Variants in STXBP5L observed in about 807,000 individuals in gnomAD.
STXBP5L encodes the protein syntaxin-binding protein 5-like.
STXBP5L carries 65 observed loss-of-function variants against 144.5 expected under a neutral mutation model. That is an observed-to-expected ratio of 0.45 (90% CI 0.37 to 0.55). The LOEUF (loss-of-function observed/expected upper bound fraction) is 0.55, where lower values mean the gene tolerates loss of function less well. Ranked by LOEUF, STXBP5L falls within the 20% of genes least tolerant of loss-of-function variation. STXBP5L has a pLI of 0.00. For synonymous variants in STXBP5L, 505 were observed against 469.6 expected (o/e 1.08, Z -0.97); for missense variants, 1,298 against 1,405.5 (o/e 0.92, Z 1.22).
intron 3 of STXBP5L, among the ~76,000 whole-genome samples, chr3:121,024,882 A>G (rs540134108): frequency 6.6e-6 from 1 of 152,314 alleles, no homozygotes; most frequent in East Asian, 1.9e-4. Flanking sequence ...TTAGAATTCT[A>G]CTTCTATCAT....
chr3:121,208,121 G>T (rs1466549768), intron 10 of STXBP5L, among the ~76,000 whole-genome samples: 1 of 152,068 alleles, frequency 6.6e-6, no homozygotes, highest in Non-Finnish European at 1.5e-5. Flanking sequence ...AAGAAAATGT[G>T]GCACATATAC....
At chr3:121,171,963 T>G (rs534002089) in intron 9 of STXBP5L, among the ~76,000 whole-genome samples, 1 of 152,284 alleles carries the variant, frequency 6.6e-6, no homozygotes, top group South Asian at 2.1e-4. Context: ...ACTACAAGGC[T>G]ACAGTAACCC....
intron 14 of STXBP5L, among the ~76,000 whole-genome samples, chr3:121,246,810 G>A (rs576214571): frequency 6.6e-6 from 1 of 152,242 alleles, no homozygotes; most frequent in East Asian, 1.9e-4. Flanking sequence ...ATTACGCTAA[G>A]TGCATAATGC....
At chr3:121,239,188 T>C in intron 13 of STXBP5L, 70 bp downstream of exon 13, 1 of 923,088 alleles carries the variant, frequency 1.1e-6, no homozygotes, top group South Asian at 2.3e-5. Flanking sequence ...TCCATTACTT[T>C]ATTTTCTTAC....
chr3:121,106,501 T>A (rs2043716960), intron 5 of STXBP5L, among the ~76,000 whole-genome samples: 1 of 152,148 alleles, frequency 6.6e-6, no homozygotes, highest in African/African-American at 2.4e-5. Context: ...CGGTGTTTGG[T>A]TTTCTGTTCC....
rs566455250 is a variant in STXBP5L, at chr3:121,202,155, C to T, written c.878-3768C>T. On this transcript the variant is annotated intron_variant, in intron 9 of 26. Transcript: ENST00000471454. The stretch of plus-strand genomic sequence containing the variant: ...TATTTAAATTAAATTATTATTAAAT[C>T]TTATATAATTGTATGTCTTTTAAGA... Among the ~76,000 whole-genome samples the T allele has an allele frequency of 9.2e-5, 14 of 152,076 alleles. No individual in the cohort carries two copies. In the East Asian group the frequency reaches 2.5e-3, roughly 27 times the overall value.
At chr3:120,967,537 C>T (rs757206312) in intron 3 of STXBP5L, among the ~76,000 whole-genome samples, 1 of 152,068 alleles carries the variant, frequency 6.6e-6, no homozygotes, top group Admixed American at 6.5e-5. Context: ...TTTTCAATTT[C>T]GTTTATTTTT....
chr3:121,368,665 T>A (rs2045936894), intron 20 of STXBP5L, among the ~76,000 whole-genome samples: 2 of 152,148 alleles, frequency 1.3e-5, no homozygotes, highest in Admixed American at 1.3e-4. Flanking sequence ...TTTTATTTAT[T>A]AATTTGCTTT....
At chr3:121,250,629 T>C (rs1577304569) in intron 14 of STXBP5L, 94 bp from the exon 15 acceptor site, 1 of 1,028,200 alleles carries the variant, frequency 9.7e-7, no homozygotes, top group South Asian at 1.5e-5. Context: ...TGAATCAAAA[T>C]TGTATCAACA....
At chr3:121,162,586 A>G (rs139191529) in intron 9 of STXBP5L, among the ~76,000 whole-genome samples, 5,412 of 152,330 alleles carry the variant, frequency 0.036, 147 homozygotes, top group Middle Eastern at 0.082. Context: ...TAATTAAACT[A>G]AAGAGCTTCT....
intron 20 of STXBP5L, among the ~76,000 whole-genome samples, chr3:121,342,826 T>C (rs1576225708): frequency 6.1e-5 from 9 of 147,738 alleles, no homozygotes; most frequent in Non-Finnish European, 6.0e-5. Context: ...TGTGTCTTTA[T>C]AGCAGCATGA....
At chr3:120,992,957 G>A (rs1001198969) in intron 3 of STXBP5L, among the ~76,000 whole-genome samples, 6 of 152,038 alleles carry the variant, frequency 3.9e-5, no homozygotes, top group Non-Finnish European at 7.4e-5. Flanking sequence ...ATCCTTGCCA[G>A]TATCTGCTAT....
chr3:121,359,543 G>T (rs2045639065), intron 20 of STXBP5L, among the ~76,000 whole-genome samples: 16 of 152,000 alleles, frequency 1.1e-4, no homozygotes, highest in Admixed American at 1.0e-3. Flanking sequence ...ATGTCCTAGA[G>T]ATATACCCCA....
intron 5 of STXBP5L, among the ~76,000 whole-genome samples, chr3:121,064,220 G>C (rs967235504): frequency 2.2e-4 from 33 of 152,162 alleles, no homozygotes; most frequent in African/African-American, 8.0e-4. Context: ...CCTTGGCTAA[G>C]GTAGGGAGTT....
intron 7 of STXBP5L, among the ~76,000 whole-genome samples, chr3:121,132,291 T>C (rs2045027757): frequency 1.3e-5 from 2 of 152,152 alleles, no homozygotes; most frequent in South Asian, 4.1e-4. Context: ...CCAGCTTCTT[T>C]GGGGGTGCCA....
chr3:121,205,443 C>T (rs1408688712), intron 9 of STXBP5L, among the ~76,000 whole-genome samples: 1 of 152,166 alleles, frequency 6.6e-6, no homozygotes, highest in Non-Finnish European at 1.5e-5. Context: ...GGGCAAAGCC[C>T]CCATGTCCTA....
At position 121,259,047 on chromosome 3, in the gene STXBP5L, A is replaced by G; in HGVS notation, c.1837A>G (p.Lys613Glu). Residue 613 changes from lysine (K) to glutamate (E), a missense_variant, in exon 18 of 27, where the codon AAG (lysine) becomes GAG (glutamate). Lys to Glu is a moderately conservative substitution (Grantham distance 56). Coordinates refer to ENST00000471454, the MANE Select transcript of STXBP5L (RefSeq NM_001308330.2). Reference sequence around the variant, plus strand: ...GGATTGTTTTTGTTCTTAAAGTGTGAAGACACGGCCAGTGCGAATGCCTCC... The same window carrying G: ...GGATTGTTTTTGTTCTTAAAGTGTGGAGACACGGCCAGTGCGAATGCCTCC... ...TKDSIPCLNV[K>E]TRPVRMPPGY... 1 of 1,593,676 alleles carries G rather than the reference A, an allele frequency of 6.3e-7. No individual in the cohort carries two copies. Among genetic ancestry groups the G allele is most frequent in the Non-Finnish European group, 8.6e-7 (1 of 1,168,752 alleles).
chr3:120,965,327 C>G (rs974450158), intron 3 of STXBP5L, among the ~76,000 whole-genome samples: 4 of 152,002 alleles, frequency 2.6e-5, no homozygotes, highest in Middle Eastern at 3.2e-3. Context: ...TCATGATGTT[C>G]ACTGGTTGTT....
intron 20 of STXBP5L, among the ~76,000 whole-genome samples, chr3:121,346,455 G>C (rs1576237363): frequency 6.6e-6 from 1 of 152,030 alleles, no homozygotes; most frequent in East Asian, 1.9e-4. Flanking sequence ...ATAATCCTTT[G>C]GGTATATACC....
Sources: gnomAD v4.1 joint callset for allele counts (sites outside exome capture counted in the v4.1 genomes callset) on GRCh38, gnomAD v4.1.1 for gene constraint, MANE v1.5 for transcripts, NCBI Gene and HGNC (gene_info 2026-07-23, HGNC 2026-07-21) for gene names.